KIF1B: variants seen among roughly 807,000 people sequenced by gnomAD.
KIF1B encodes the protein kinesin-like protein KIF1B.
Under a neutral mutation model 241.9 loss-of-function variants are expected in KIF1B, and 76 were observed. The ratio of observed to expected loss-of-function variants is 0.31; its 90% CI spans 0.26 to 0.38. KIF1B has a LOEUF of 0.38. KIF1B is among the 10% of genes least tolerant of loss of function. KIF1B has a pLI of 1.00. For missense variants in KIF1B, 1,622 were observed against 2,271.4 expected, an observed-to-expected ratio of 0.71 and a Z score of 5.81; for synonymous variants, 750 against 796.7, an observed-to-expected ratio of 0.94 and a Z score of 0.99.
intron 44 of KIF1B, among the ~76,000 whole-genome samples, chr1:10,369,790 G>T (rs1002157915): frequency 7.9e-5 from 12 of 151,720 alleles, no homozygotes; most frequent in Non-Finnish European, 1.5e-5. Context: ...AAATTAGCCG[G>T]ATATGGTGGC....
At position 10,303,027 on chromosome 1, in the gene KIF1B, G is replaced by GT. The variant is rs1180587637; in HGVS notation, c.2115+5787dup. The GT allele has an allele frequency of 3.0e-5, 31 of 1,050,258 alleles. No homozygotes were observed. Among genetic ancestry groups the GT allele is most frequent in the Non-Finnish European group, 4.2e-5 (31 of 734,536 alleles). The allele number at this position is 1,050,258 out of a possible 1,614,324, so 65.1% of individuals were successfully genotyped here. A position where few individuals can be genotyped will look rare whatever the true frequency, so the allele number is the denominator to read the frequency against. ...GAGGGGTTTTTTTTGGTTTTGTTTT[G>GT]TTTTTTAGTTTTTTTGGTCTTATTT... On this transcript the variant is annotated intron_variant, in intron 22 of 48. Coordinates refer to ENST00000676179, the MANE Select transcript of KIF1B (RefSeq NM_001365951.3). This position sits in a 1 kb window ranked among gnomAD's most constrained non-coding sequence, Gnocchi z 5.2.
chr1:10,365,314 C>T lies in KIF1B; in HGVS notation c.4512+69C>T. Reference sequence around the variant, plus strand: ...AGATTGCCAAAGTATCAGTCTTCCTCCCCGCTGCTGCATGTGATCATAGCT... The same window carrying T: ...AGATTGCCAAAGTATCAGTCTTCCTTCCCGCTGCTGCATGTGATCATAGCT... On this transcript the variant is annotated intron_variant, in intron 42 of 48. Coordinates refer to ENST00000676179, the MANE Select transcript of KIF1B (RefSeq NM_001365951.3). The surrounding 1 kb of genome is among the most constrained non-coding windows in gnomAD (Gnocchi z 4.0). 6.2e-7 allele frequency: 1 copy of T among 1,613,254 alleles called. No individual in the cohort carries two copies. The highest frequency in any genetic ancestry group is 8.5e-7 in the Non-Finnish European group (1 of 1,179,456).
At chr1:10,239,912 C>G (rs1323979126) in intron 2 of KIF1B, among the ~76,000 whole-genome samples, 1 of 151,828 alleles carries the variant, frequency 6.6e-6, no homozygotes, top group Non-Finnish European at 1.5e-5. Context: ...ACTACAAGCA[C>G]CCGCCACCAT....
intron 22 of KIF1B, among the ~76,000 whole-genome samples, chr1:10,299,362 G>C (rs992997824): frequency 6.6e-6 from 1 of 152,200 alleles, no homozygotes; most frequent in African/African-American, 2.4e-5. Context: ...GCTTCTTAAA[G>C]CAAGGAAGTT....
intron 1 of KIF1B, among the ~76,000 whole-genome samples, chr1:10,212,888 G>GTATA (rs1429968687): frequency 3.3e-5 from 2 of 60,326 alleles, no homozygotes; most frequent in African/African-American, 1.6e-4. Flanking sequence ...GCATGCGTGT[G>GTATA]TGTATATATA....
At chr1:10,370,218 C>T (rs747663895) in intron 44 of KIF1B, among the ~76,000 whole-genome samples, 3 of 150,924 alleles carry the variant, frequency 2.0e-5, no homozygotes, top group African/African-American at 7.3e-5. Context: ...CCACTGCACT[C>T]CAGTCTGGGT....
At chr1:10,328,515 A>C (rs1323451763) in intron 27 of KIF1B, among the ~76,000 whole-genome samples, 1 of 152,248 alleles carries the variant, frequency 6.6e-6, no homozygotes, top group African/African-American at 2.4e-5. Context: ...TTTTATTAAA[A>C]TTGAGAAAGG....
At chr1:10,232,882 T>G (rs1196800483) in intron 2 of KIF1B, among the ~76,000 whole-genome samples, 1 of 152,226 alleles carries the variant, frequency 6.6e-6, no homozygotes, top group East Asian at 1.9e-4. Context: ...TATAGTAAAC[T>G]TATACATTAT....
intron 1 of KIF1B, among the ~76,000 whole-genome samples, chr1:10,222,243 G>A (rs1447553965): frequency 6.6e-6 from 1 of 152,210 alleles, no homozygotes; most frequent in Non-Finnish European, 1.5e-5. Context: ...CCTTGTCCTT[G>A]AAAGATGTGA....
chr1:10,288,820 G>A (rs1045471528), intron 15 of KIF1B, among the ~76,000 whole-genome samples: 6 of 151,266 alleles, frequency 4.0e-5, no homozygotes, highest in Non-Finnish European at 2.9e-5. Context: ...CTTTTTTCAC[G>A]TGTTCCCTTG....
chr1:10,337,166 C>G lies in KIF1B; in HGVS notation c.3222C>G (p.Ile1074Met), dbSNP rs979212726. The change falls in exon 30 of 49, where the codon ATC becomes ATG. Residue 1074 changes from isoleucine to methionine, a missense_variant. By Grantham distance (10) the Ile-to-Met change is conservative. Coordinates refer to ENST00000676179, the MANE Select transcript of KIF1B (RefSeq NM_001365951.3). This position sits in a 1 kb window ranked among gnomAD's most constrained non-coding sequence, Gnocchi z 4.0. ...VEGQGQSSEV[I>M]TPPEEISRIN... The stretch of plus-strand genomic sequence containing the variant: ...GACAGGGTCAGAGTTCTGAGGTCAT[C>G]ACTCCTCCAGAAGAAATCAGTCGAA... 6.2e-7 allele frequency: 1 copy of G among 1,614,140 alleles called. No individual in the cohort carries two copies. Among genetic ancestry groups the G allele is most frequent in the Non-Finnish European group, 8.5e-7 (1 of 1,180,020 alleles).
chr1:10,276,355 G>C lies in KIF1B; in HGVS notation c.993G>C (p.Leu331=). The change falls in exon 12 of 49, where the codon CTG becomes CTC. Residue 331 remains leucine (L), a synonymous_variant. Coordinates refer to ENST00000676179, the MANE Select transcript of KIF1B (RefSeq NM_001365951.3). ...GNSRTAMVAA[L]SPADINYDET... is the part of the protein sequence containing the mutation. ...CTCGGACTGCAATGGTTGCTGCTCT[G>C]AGCCCCGCGGATATCAACTACGATG... is the stretch of plus-strand genomic sequence containing the variant. 6.2e-7 allele frequency: 1 copy of C among 1,613,952 alleles called. No homozygotes were observed. Among genetic ancestry groups the C allele is most frequent in the Non-Finnish European group, 8.5e-7 (1 of 1,179,912 alleles).
intron 27 of KIF1B, among the ~76,000 whole-genome samples, chr1:10,331,571 A>G (rs1464043169): frequency 6.6e-6 from 1 of 152,096 alleles, no homozygotes; most frequent in Non-Finnish European, 1.5e-5. Context: ...GTGATGTATT[A>G]TGTCTGTTTT....
At chr1:10,252,241 C>T (rs1347211126) in intron 2 of KIF1B, among the ~76,000 whole-genome samples, 3 of 151,814 alleles carry the variant, frequency 2.0e-5, no homozygotes, top group East Asian at 1.9e-4. Flanking sequence ...GGTTTCACCA[C>T]GTTGGCCAGG....
intron 38 of KIF1B, among the ~76,000 whole-genome samples, chr1:10,359,531 G>GA (rs943910394): frequency 3.3e-5 from 5 of 151,350 alleles, no homozygotes; most frequent in Non-Finnish European, 5.9e-5. Flanking sequence ...TTTACCAGTA[G>GA]AAAAAAAACG....
intron 24 of KIF1B, among the ~76,000 whole-genome samples, chr1:10,322,093 C>G (rs1186190732): frequency 6.6e-6 from 1 of 152,122 alleles, no homozygotes; most frequent in East Asian, 1.9e-4. Flanking sequence ...TACAAATAGA[C>G]TATATTCCTA....
chr1:10,214,937 A>G (rs553189881), intron 1 of KIF1B, among the ~76,000 whole-genome samples: 1 of 151,674 alleles, frequency 6.6e-6, no homozygotes, highest in African/African-American at 2.4e-5. Context: ...TTTTCATTTT[A>G]GTACAATTTA....
intron 22 of KIF1B, chr1:10,304,897 T>C: frequency 7.4e-7 from 1 of 1,354,088 alleles, no homozygotes; most frequent in Non-Finnish European, 9.5e-7. Flanking sequence ...CGTTCCTCCT[T>C]TTTTAGTGCC....
In KIF1B at chr1:10,232,426, A is replaced by G. The variant is rs1646995102; in HGVS notation, c.98A>G (p.Asn33Ser). ...AAATGCATCATTCAGATGCAAGGCAACTCGACCAGTGAGTACATGTTGTTT... is the reference window on the plus strand; with the variant it reads ...AAATGCATCATTCAGATGCAAGGCAGCTCGACCAGTGAGTACATGTTGTTT... ...ESKCIIQMQG[N>S]STSIINPKNP... Residue 33 changes from asparagine to serine, a missense_variant, in exon 2 of 49, where the codon AAC becomes AGC. By Grantham distance (46) the Asn-to-Ser change is conservative (BLOSUM62 1). Transcript: ENST00000676179. 2 of 1,609,970 alleles carry G rather than the reference A, an allele frequency of 1.2e-6. No homozygotes were observed. The highest frequency in any genetic ancestry group is 1.1e-5 in the South Asian group (1 of 90,932).
Sources: allele counts gnomAD v4.1 joint callset (sites outside exome capture counted in the v4.1 genomes callset), GRCh38; gene constraint gnomAD v4.1.1; non-coding constraint Gnocchi (gnomAD v3.1); transcripts MANE v1.5; gene names NCBI Gene and HGNC (gene_info 2026-07-23, HGNC 2026-07-21).